CCDC32: variants seen among roughly 807,000 people sequenced by gnomAD.
CCDC32 encodes the protein coiled-coil domain-containing protein 32.
Under a neutral mutation model 20.1 loss-of-function variants are expected in CCDC32, and 9 were observed. The observed-to-expected ratio is 0.45, with a 90% CI of 0.27 to 0.78. The LOEUF (loss-of-function observed/expected upper bound fraction) is 0.78. Ranked by LOEUF, CCDC32 falls within the 30% of genes least tolerant of loss-of-function variation. The pLI is 0.16. For missense variants in CCDC32, 204 were observed against 215.5 expected, an observed-to-expected ratio of 0.95 and a Z score of 0.33; for synonymous variants, 63 against 79.0, an observed-to-expected ratio of 0.80 and a Z score of 1.07.
chr15:40,523,001 AT>A, the CCDC32 span, among the ~76,000 whole-genome samples: 1 of 151,082 alleles, frequency 6.6e-6, no homozygotes, highest in Non-Finnish European at 1.5e-5. Context: ...TAATTTTTGT[AT>A]TTTTAGTAGA....
chr15:40,542,070 G>C (rs888455976), intron 3 of CCDC32, among the ~76,000 whole-genome samples: 2 of 152,192 alleles, frequency 1.3e-5, no homozygotes, highest in Non-Finnish European at 2.9e-5. Context: ...AATTGGAAAG[G>C]ACCTTAGGGG....
Position 40,553,761 on chromosome 15 carries a change from A to AT in CCDC32, c.*209dup. The AT allele has an allele frequency of 2.9e-6, 4 of 1,361,516 alleles. No individual in the cohort carries two copies. The highest frequency in any genetic ancestry group is 3.8e-6 in the Non-Finnish European group (4 of 1,057,846). 84.3% of individuals were successfully genotyped at this position (1,361,516 alleles called of 1,614,324 possible). On this transcript the variant is annotated 3_prime_UTR_variant, in exon 4 of 4. Transcript: ENST00000416810. Reference sequence around the variant, plus strand: ...GTCACTTCATCCGAGACAGTCACACATGCCAGCCCCAGGTAAGTCCCTGGG... The same window carrying AT: ...GTCACTTCATCCGAGACAGTCACACATTGCCAGCCCCAGGTAAGTCCCTGGG...
intron 3 of CCDC32, among the ~76,000 whole-genome samples, chr15:40,540,041 T>C (rs1008019101): frequency 6.6e-6 from 1 of 152,096 alleles, no homozygotes; most frequent in African/African-American, 2.4e-5. Context: ...TCAGAGATGA[T>C]GATGCCCCTG....
downstream of CCDC32, among the ~76,000 whole-genome samples, chr15:40,525,069 C>T (rs1213935899): frequency 4.7e-5 from 7 of 149,880 alleles, no homozygotes; most frequent in Admixed American, 2.7e-4. Context: ...CTCACTCTGT[C>T]GCCCAGGCTG....
downstream of CCDC32, among the ~76,000 whole-genome samples, chr15:40,550,667 AC>A (rs1889814298): frequency 6.6e-6 from 1 of 152,198 alleles, no homozygotes; most frequent in African/African-American, 2.4e-5. Flanking sequence ...GCCATTGTTT[AC>A]GCTGTCACCT....
At chr15:40,530,722 CTTTT>C (rs35147425), downstream of CCDC32, among the ~76,000 whole-genome samples, 1 of 139,046 alleles carries the variant, frequency 7.2e-6, no homozygotes, top group Non-Finnish European at 1.6e-5. Context: ...TCAGGTATTC[CTTTT>C]TTTTTTTTTT....
rs1890735545 is a variant in CCDC32 at position 40,562,791 on chromosome 15, T to C, written c.225A>G (p.Glu75=). 1 of 1,614,018 alleles carries C rather than the reference T, an allele frequency of 6.2e-7. No homozygotes were observed. Among genetic ancestry groups the C allele is most frequent in the Non-Finnish European group, 8.5e-7 (1 of 1,180,022 alleles). Residue 75 remains glutamate (E), a synonymous_variant, in exon 2 of 4, where the codon GAA becomes GAG. Coordinates refer to ENST00000416810, the MANE Select transcript of CCDC32 (RefSeq NM_001080792.4). ...VKPWAPLQDS[E]VYLASLEKKL... Reference sequence around the variant, plus strand: ...ACTTACCTAGAGATGCTAAATACACTTCTGAATCCTGCAAGGGAGCCCAAG... The same window carrying C: ...ACTTACCTAGAGATGCTAAATACACCTCTGAATCCTGCAAGGGAGCCCAAG...
intron 1 of CCDC32, among the ~76,000 whole-genome samples, chr15:40,563,845 G>A (rs1433121804): frequency 4.8e-5 from 7 of 147,188 alleles, no homozygotes; most frequent in African/African-American, 1.8e-4. Context: ...TTTTGAGACA[G>A]AGTCTCGCTC....
At chr15:40,543,951 T>C (rs1293105380) in intron 3 of CCDC32, among the ~76,000 whole-genome samples, 1 of 152,190 alleles carries the variant, frequency 6.6e-6, no homozygotes, top group Non-Finnish European at 1.5e-5. Flanking sequence ...TTCCTAGAAT[T>C]ATAACTTTTT....
At chr15:40,527,460 C>G (rs964737604), downstream of CCDC32, among the ~76,000 whole-genome samples, 4 of 152,174 alleles carry the variant, frequency 2.6e-5, no homozygotes, top group Non-Finnish European at 5.9e-5. Flanking sequence ...CGAGAGCCAC[C>G]GCACCCCACC....
At chr15:40,550,280 T>TA (rs1257042040), downstream of CCDC32, among the ~76,000 whole-genome samples, 1 of 152,192 alleles carries the variant, frequency 6.6e-6, no homozygotes, top group African/African-American at 2.4e-5. Flanking sequence ...TCTATTTCAC[T>TA]AAGGAGGAAG....
downstream of CCDC32, among the ~76,000 whole-genome samples, chr15:40,523,763 C>T (rs1894863059): frequency 6.6e-6 from 1 of 152,182 alleles, no homozygotes; most frequent in Admixed American, 6.6e-5. Flanking sequence ...AATACACACC[C>T]ACCAGAATGG....
chr15:40,548,052 A>T (rs1889695044), intron 3 of CCDC32, among the ~76,000 whole-genome samples: 2 of 152,222 alleles, frequency 1.3e-5, no homozygotes, highest in African/African-American at 4.8e-5. Flanking sequence ...GAAACAGTTG[A>T]TGGGTCACTA....
chr15:40,557,700 C>A, intron 2 of CCDC32: 1 of 195,084 alleles, frequency 5.1e-6, no homozygotes, highest in Non-Finnish European at 1.1e-5. Context: ...GCTTGTTTTC[C>A]CTGGTTTGAC....
intron 3 of CCDC32, among the ~76,000 whole-genome samples, chr15:40,556,218 C>G (rs1186673931): frequency 2.6e-5 from 4 of 152,230 alleles, no homozygotes; most frequent in Admixed American, 2.0e-4. Context: ...AAACTACTTG[C>G]AGGTACTGTT....
chr15:40,530,430 G>A (rs1200903908), downstream of CCDC32, among the ~76,000 whole-genome samples: 2 of 150,920 alleles, frequency 1.3e-5, no homozygotes, highest in Admixed American at 6.6e-5. Flanking sequence ...CTGAGTTCAC[G>A]TGAGATCTGG....
intron 3 of CCDC32, among the ~76,000 whole-genome samples, chr15:40,555,376 GAA>G (rs1489224846): frequency 6.6e-6 from 1 of 152,218 alleles, no homozygotes; most frequent in Admixed American, 6.5e-5. Flanking sequence ...TGATTTCAGA[GAA>G]AGAGGATTTC....
At chr15:40,564,793 C>T in intron 1 of CCDC32, 183 bp downstream of exon 1, 1 of 1,614,028 alleles carries the variant, frequency 6.2e-7, no homozygotes, top group Non-Finnish European at 8.5e-7. Flanking sequence ...CCCCTTACCC[C>T]AGGGCAGGGC....
intron 3 of CCDC32, among the ~76,000 whole-genome samples, chr15:40,555,523 A>G (rs1344839693): frequency 6.6e-6 from 1 of 152,182 alleles, no homozygotes; most frequent in Non-Finnish European, 1.5e-5. Context: ...CAAATCTCCT[A>G]TGTTTGGAGC....
Sources: allele counts gnomAD v4.1 joint callset (sites outside exome capture counted in the v4.1 genomes callset), GRCh38; gene constraint gnomAD v4.1.1; transcripts MANE v1.5; gene names NCBI Gene and HGNC (gene_info 2026-07-23, HGNC 2026-07-21).